The following EDIL3 variants were observed in gnomAD, a reference collection of about 807,000 sequenced individuals.
The protein encoded by EDIL3 is EGF like and discoidin domains 3.
Under a neutral mutation model 67.4 loss-of-function variants are expected in EDIL3, and 37 were observed. That is an observed-to-expected ratio of 0.55 (90% confidence interval 0.42 to 0.72). The LOEUF (loss-of-function observed/expected upper bound fraction) is 0.72. Ranked by LOEUF, EDIL3 falls within the 30% of genes least tolerant of loss-of-function variation. EDIL3 has a pLI of 0.00. For synonymous variants in EDIL3, 195 were observed against 196.3 expected (o/e 0.99, Z 0.05); for missense variants, 527 against 586.3 (o/e 0.90, Z 1.04).
intron 8 of EDIL3, among the ~76,000 whole-genome samples, chr5:84,062,507 T>C (rs1418957729): frequency 1.3e-5 from 2 of 152,124 alleles, no homozygotes; most frequent in African/African-American, 2.4e-5. Context: ...ATATCCATTC[T>C]GTTGTCTAGT....
intron 9 of EDIL3, among the ~76,000 whole-genome samples, chr5:84,004,780 GAAC>G (rs990502243): frequency 1.3e-5 from 2 of 151,976 alleles, no homozygotes; most frequent in Non-Finnish European, 2.9e-5. Flanking sequence ...AGAGGAACTA[GAAC>G]AACAAGAGCA....
intron 3 of EDIL3, among the ~76,000 whole-genome samples, chr5:84,208,627 C>T (rs1297356750): frequency 7.4e-5 from 10 of 135,770 alleles, no homozygotes; most frequent in African/African-American, 1.7e-4. Flanking sequence ...TGCAGTGAGC[C>T]GAGATTGCGC....
At chr5:83,991,457 GT>G (rs1745149472) in intron 9 of EDIL3, among the ~76,000 whole-genome samples, 1 of 152,010 alleles carries the variant, frequency 6.6e-6, no homozygotes, top group South Asian at 2.1e-4. Flanking sequence ...CCAACAACAT[GT>G]TTTCTTTCTA....
chr5:84,334,351 A>G (rs530117938), intron 1 of EDIL3, among the ~76,000 whole-genome samples: 62 of 152,276 alleles, frequency 4.1e-4, no homozygotes, highest in African/African-American at 1.5e-3. Context: ...GGCATGAGCC[A>G]CCGCGCCTGG....
At chr5:83,943,902 G>A (rs998555752) in intron 10 of EDIL3, among the ~76,000 whole-genome samples, 4 of 151,938 alleles carry the variant, frequency 2.6e-5, no homozygotes, top group Non-Finnish European at 5.9e-5. Flanking sequence ...TGCTGAAGAT[G>A]CTCTCTTCCA....
chr5:84,145,776 G>C (rs901130112), intron 4 of EDIL3, among the ~76,000 whole-genome samples: 3 of 151,908 alleles, frequency 2.0e-5, no homozygotes, highest in African/African-American at 7.3e-5. Context: ...AAATATTTGA[G>C]ACATATTTAT....
At chr5:84,153,117 C>T (rs1748426987) in intron 4 of EDIL3, among the ~76,000 whole-genome samples, 1 of 152,046 alleles carries the variant, frequency 6.6e-6, no homozygotes, top group South Asian at 2.1e-4. Flanking sequence ...GCTAACATTT[C>T]TCATTATACA....
At chr5:84,155,895 T>C (rs1748481783) in intron 4 of EDIL3, among the ~76,000 whole-genome samples, 1 of 152,228 alleles carries the variant, frequency 6.6e-6, no homozygotes, top group South Asian at 2.1e-4. Flanking sequence ...TTCAAATGTC[T>C]GGTGAACCTT....
intron 1 of EDIL3, among the ~76,000 whole-genome samples, chr5:84,371,124 T>C (rs1221438709): frequency 6.7e-6 from 1 of 150,204 alleles, no homozygotes; most frequent in African/African-American, 2.5e-5. Context: ...AAAAGTGTTA[T>C]AATATATTTA....
At chr5:84,299,941 T>C (rs553230970) in intron 1 of EDIL3, among the ~76,000 whole-genome samples, 1 of 152,340 alleles carries the variant, frequency 6.6e-6, no homozygotes, top group African/African-American at 2.4e-5. Context: ...ACATAAAATA[T>C]GTATATTTTA....
chr5:84,264,311 G>A (rs1745302168), intron 1 of EDIL3, among the ~76,000 whole-genome samples: 3 of 152,210 alleles, frequency 2.0e-5, no homozygotes, highest in South Asian at 4.1e-4. Context: ...AGGCTGCTGC[G>A]AATGTGATAG....
chr5:83,955,799 G>A (rs777706873), intron 10 of EDIL3, among the ~76,000 whole-genome samples: 1 of 151,644 alleles, frequency 6.6e-6, no homozygotes, highest in Non-Finnish European at 1.5e-5. Flanking sequence ...TTGCTCTTTT[G>A]TCTTTTAACG....
At chr5:83,945,650 C>T (rs893436734) in intron 10 of EDIL3, among the ~76,000 whole-genome samples, 6 of 151,782 alleles carry the variant, frequency 4.0e-5, no homozygotes, top group African/African-American at 1.5e-4. Context: ...ATTAATTATA[C>T]TTATTTCTTT....
In EDIL3 at chr5:84,064,844, C is replaced by G. The variant is rs1580308083; in HGVS notation, c.808G>C (p.Val270Leu). The G allele has an allele frequency of 1.2e-6, 2 of 1,607,402 alleles. No homozygotes were observed. The highest frequency in any genetic ancestry group is 2.7e-5 in the African/African-American group (2 of 74,750). Reference sequence around the variant, plus strand: ...TTGTTATCAATGTTTCCACGAAACACCTGTGTAAAAACAGTTTAAAATTAT... The same window carrying G: ...TTGTTATCAATGTTTCCACGAAACAGCTGTGTAAAAACAGTTTAAAATTAT... ...YKVKGTNEDM[V>L]FRGNIDNNTP... Residue 270 changes from valine (V) to leucine (L), a missense_variant and splice_region_variant, in exon 8 of 11, where the codon GTG becomes CTG. Physicochemically the swap from Val to Leu is conservative, Grantham distance 32 (BLOSUM62 1). Around this residue, in one of 2 missense-constraint regions of EDIL3, gnomAD observed 494 missense variants for 522.5 expected, o/e 0.95. Transcript: ENST00000296591.
At chr5:84,019,705 A>G (rs1745676309) in intron 9 of EDIL3, among the ~76,000 whole-genome samples, 3 of 152,086 alleles carry the variant, frequency 2.0e-5, no homozygotes, top group Admixed American at 1.3e-4. Flanking sequence ...GAAATGACAC[A>G]GGTTATTTAA....
At chr5:84,371,319 G>GTATATATATA (rs71607709) in intron 1 of EDIL3, among the ~76,000 whole-genome samples, 2,370 of 115,354 alleles carry the variant, frequency 0.021, 42 homozygotes, top group Non-Finnish European at 0.032. Flanking sequence ...TAGATAAAAA[G>GTATATATATA]TATATATATA....
Position 84,333,202 on chromosome 5 carries a change from C to T in EDIL3, c.67+51106G>A, listed in dbSNP as rs1746911520. Among the ~76,000 whole-genome samples the T allele has an allele frequency of 2.0e-5, 3 of 152,046 alleles. No individual in the cohort carries two copies. The South Asian group carries it at 6.2e-4, about 32-fold the overall frequency. The stretch of plus-strand genomic sequence containing the variant: ...TTAATAATTACATACATTTATAAAC[C>T]ACAAAAATTGAATAGTGAAATAATT... On this transcript the variant is annotated intron_variant, in intron 1 of 10. Coordinates refer to ENST00000296591, the MANE Select transcript of EDIL3 (RefSeq NM_005711.5).
chr5:84,365,517 G>A (rs1747710561), intron 1 of EDIL3, among the ~76,000 whole-genome samples: 1 of 152,100 alleles, frequency 6.6e-6, no homozygotes, highest in Admixed American at 6.6e-5. Context: ...TCTTCAGAAT[G>A]GAAAGTAAGC....
rs1332269899 is a variant in EDIL3, at chr5:84,319,516, A to G, written c.67+64792T>C. On this transcript the variant is annotated intron_variant, in intron 1 of 10. Transcript: ENST00000296591. ...CAACAAAAAAAAAAAAAAAAAAAAA[A>G]AAAAAAAGAAATAGGAATGCTTTTA... Among the ~76,000 whole-genome samples, 38 of 61,362 alleles carry G rather than the reference A, an allele frequency of 6.2e-4. 4 individuals are homozygous for G. The highest frequency in any genetic ancestry group is 1.6e-3 in the East Asian group (6 of 3,650). 40.3% of individuals were successfully genotyped at this position (61,362 alleles called of 152,430 possible).
Sources: gnomAD v4.1 joint callset for allele counts (sites outside exome capture counted in the v4.1 genomes callset) on GRCh38, gnomAD v4.1.1 for gene constraint, gnomAD v4.1.1 regional missense constraint, MANE v1.5 for transcripts, NCBI Gene and HGNC (gene_info 2026-07-23, HGNC 2026-07-21) for gene names.